AKAP13: variants seen among roughly 807,000 people sequenced by gnomAD.
The protein encoded by AKAP13 is A-kinase anchoring protein 13.
In AKAP13, 80 loss-of-function variants were observed where a neutral mutation model predicts 264.5. The observed-to-expected ratio is 0.30, with a 90% confidence interval of 0.25 to 0.36. The LOEUF (loss-of-function observed/expected upper bound fraction) is 0.36, where lower values mean the gene tolerates loss of function less well. Among genes scored for constraint, AKAP13 ranks in the 10% least tolerant of loss-of-function variants. AKAP13 has a pLI of 1.00. For synonymous variants in AKAP13, 1,380 were observed against 1,250.2 expected (o/e 1.10, Z -2.19); for missense variants, 3,712 against 3,435.2 (o/e 1.08, Z -2.01).
At chr15:85,473,766 C>G (rs1032641601) in intron 1 of AKAP13, among the ~76,000 whole-genome samples, 5 of 152,190 alleles carry the variant, frequency 3.3e-5, no homozygotes, top group African/African-American at 1.2e-4. Flanking sequence ...AGCCAGGGGC[C>G]TCCCTCCTCT....
chr15:85,638,415 T>A (rs937572706), intron 8 of AKAP13, among the ~76,000 whole-genome samples: 1 of 152,224 alleles, frequency 6.6e-6, no homozygotes, highest in African/African-American at 2.4e-5. Flanking sequence ...TGATAGAATA[T>A]GAACATTCCA....
At chr15:85,516,543 G>T (rs563284530) in intron 2 of AKAP13, among the ~76,000 whole-genome samples, 34 of 152,242 alleles carry the variant, frequency 2.2e-4, no homozygotes, top group Admixed American at 1.0e-3. Context: ...GTTTGTACTT[G>T]ACTAGGGTTT....
intron 1 of AKAP13, among the ~76,000 whole-genome samples, chr15:85,458,933 G>A (rs2074395559): frequency 6.6e-6 from 1 of 152,044 alleles, no homozygotes; most frequent in African/African-American, 2.4e-5. Flanking sequence ...GTTTTCCTTA[G>A]TGTGTTGCAT....
chr15:85,537,473 G>A (rs540827123), intron 4 of AKAP13, among the ~76,000 whole-genome samples: 1 of 152,268 alleles, frequency 6.6e-6, no homozygotes, highest in South Asian at 2.1e-4. Context: ...TTGTTTAGTT[G>A]CAGTGCTTTT....
intron 11 of AKAP13, among the ~76,000 whole-genome samples, chr15:85,656,320 A>AAAT (rs2083091993): frequency 6.6e-6 from 1 of 152,224 alleles, no homozygotes; most frequent in African/African-American, 2.4e-5. Context: ...GACTCATTAC[A>AAAT]TTCATTTTAC....
chr15:85,695,052 T>C (rs1411180375), intron 17 of AKAP13, among the ~76,000 whole-genome samples: 1 of 152,084 alleles, frequency 6.6e-6, no homozygotes, highest in Non-Finnish European at 1.5e-5. Context: ...TCAGCCAGCC[T>C]CCTGAGTAGC....
chr15:85,465,408 A>T (rs577705090), intron 1 of AKAP13, among the ~76,000 whole-genome samples: 31 of 151,536 alleles, frequency 2.0e-4, no homozygotes, highest in African/African-American at 6.3e-4. Context: ...TGTGCAGGTT[A>T]GTTACATATG....
At chr15:85,658,476 A>G in intron 11 of AKAP13, 61 bp from the exon 12 acceptor site, 1 of 1,454,438 alleles carries the variant, frequency 6.9e-7, no homozygotes, top group South Asian at 1.2e-5. Context: ...TGTATGTTTC[A>G]TGCATTTGTA....
Position 85,514,997 on chromosome 15 carries a change from A to G in AKAP13, c.34-6431A>G, listed in dbSNP as rs1482307923. 1.5e-5 allele frequency among the ~76,000 whole-genome samples: 2 copies of G among 137,594 alleles called. 1 individual carries two copies. The highest frequency in any genetic ancestry group is 5.9e-5 in the African/African-American group (2 of 34,046). The allele number at this position is 137,594 out of a possible 152,430, so 90.3% of individuals were successfully genotyped here. The stretch of plus-strand genomic sequence containing the variant: ...TCCTGTCATTTTGTCAGACTGGGAA[A>G]TAAATTTGGGAAGGCCTGTGAAACT... On this transcript the variant is annotated intron_variant, in intron 2 of 36. Coordinates refer to ENST00000394518, the MANE Select transcript of AKAP13 (RefSeq NM_007200.5).
chr15:85,411,631 G>A (rs767402015), intron 1 of AKAP13, among the ~76,000 whole-genome samples: 13 of 152,120 alleles, frequency 8.5e-5, no homozygotes, highest in Non-Finnish European at 1.9e-4. Context: ...TAGAGACAGG[G>A]TTTCACCGTG....
intron 1 of AKAP13, among the ~76,000 whole-genome samples, chr15:85,483,732 A>AC (rs1233620970): frequency 6.6e-6 from 1 of 151,670 alleles, no homozygotes; most frequent in Admixed American, 6.6e-5. Context: ...AATTGCTTGA[A>AC]CCCAGAAGGC....
At chr15:85,655,373 T>G (rs747248258) in intron 10 of AKAP13, 44 bp from the exon 11 acceptor site, 9 of 1,578,144 alleles carry the variant, frequency 5.7e-6, no homozygotes, top group Non-Finnish European at 7.8e-6. Context: ...GCTATCTGAT[T>G]GGCCCTGCTG....
chr15:85,565,503 G>A (rs2078574086), intron 5 of AKAP13, among the ~76,000 whole-genome samples: 1 of 152,172 alleles, frequency 6.6e-6, no homozygotes. Flanking sequence ...TAGATACCCA[G>A]CCATAGTCCT....
intron 8 of AKAP13, among the ~76,000 whole-genome samples, chr15:85,632,816 C>T (rs1311318080): frequency 6.6e-6 from 1 of 152,042 alleles, no homozygotes; most frequent in Non-Finnish European, 1.5e-5. Context: ...TACTCATTGG[C>T]TGTGGAATGA....
In AKAP13 at chr15:85,473,637, A is replaced by G. The variant is rs561669522; in HGVS notation, c.-11-12073A>G. On this transcript the variant is annotated intron_variant, in intron 1 of 36. Coordinates refer to ENST00000394518, the MANE Select transcript of AKAP13 (RefSeq NM_007200.5). Reference sequence around the variant, plus strand: ...AGAACTCAGGTTGCTTCAAAAACCCAGAGACAGCCAAAGCTCAGAATCAAC... The same window carrying G: ...AGAACTCAGGTTGCTTCAAAAACCCGGAGACAGCCAAAGCTCAGAATCAAC... Among the ~76,000 whole-genome samples, 3 of 152,348 alleles carry G rather than the reference A, an allele frequency of 2.0e-5. No homozygotes were observed. The East Asian group carries it at 5.8e-4, about 29-fold the overall frequency.
At chr15:85,575,638 G>A (rs550229153) in intron 6 of AKAP13, among the ~76,000 whole-genome samples, 1 of 152,102 alleles carries the variant, frequency 6.6e-6, no homozygotes, top group African/African-American at 2.4e-5. Flanking sequence ...CTTGCAGTGA[G>A]CCGAGATCAC....
At chr15:85,744,292 C>T in intron 36 of AKAP13, 1 of 319,938 alleles carries the variant, frequency 3.1e-6, no homozygotes, top group Admixed American at 4.8e-5. Context: ...CCACTAAATG[C>T]CTCCCTGTTC....
At chr15:85,677,246 T>A in intron 14 of AKAP13, 2 of 712,020 alleles carry the variant, frequency 2.8e-6, no homozygotes, top group Non-Finnish European at 3.4e-6. Context: ...TATGCTTGCC[T>A]TTGAGAATTG....
intron 17 of AKAP13, among the ~76,000 whole-genome samples, chr15:85,698,697 A>C (rs1285479134): frequency 6.6e-6 from 1 of 151,632 alleles, no homozygotes; most frequent in Non-Finnish European, 1.5e-5. Context: ...TAATCCCAGC[A>C]CTTTGGGAGG....
Sources: allele counts gnomAD v4.1 joint callset (sites outside exome capture counted in the v4.1 genomes callset), GRCh38; gene constraint gnomAD v4.1.1; transcripts MANE v1.5; gene names NCBI Gene and HGNC (gene_info 2026-07-23, HGNC 2026-07-21).